ATP2A1: variants seen among roughly 807,000 people sequenced by gnomAD.
The protein encoded by ATP2A1 is sarcoplasmic/endoplasmic reticulum calcium ATPase 1.
ATP2A1 carries 83 observed loss-of-function variants against 109.5 expected under a neutral mutation model. The observed-to-expected ratio is 0.76, with a 90% CI of 0.63 to 0.91. The LOEUF (loss-of-function observed/expected upper bound fraction) is 0.91, where lower values mean the gene tolerates loss of function less well. ATP2A1 is among the 40% of genes least tolerant of loss of function. The probability of loss-of-function intolerance (pLI) is 0.00; values close to 1 mark genes in which losing one functional copy is unlikely to be tolerated. For missense variants in ATP2A1, 1,101 were observed against 1,341.0 expected, an observed-to-expected ratio of 0.82 and a Z score of 2.80; for synonymous variants, 505 against 537.6, an observed-to-expected ratio of 0.94 and a Z score of 0.84.
rs747068177 is a variant in ATP2A1 at position 28,888,771 on chromosome 16, C to G, written c.929-16C>G. ...CCCCTTGCAGGTTCCCTCACACCCT[C>G]CCTCCCTCCCCACAGGTCTTCCTGC... On this transcript the variant is annotated splice_polypyrimidine_tract_variant and intron_variant, in intron 8 of 22. Coordinates refer to ENST00000395503, the MANE Select transcript of ATP2A1 (RefSeq NM_004320.6). The G allele has an allele frequency of 1.3e-6, 2 of 1,596,646 alleles. No homozygotes were observed. Among genetic ancestry groups the G allele is most frequent in the Non-Finnish European group, 1.7e-6 (2 of 1,167,932 alleles).
chr16:28,903,297 G>C lies in ATP2A1; in HGVS notation c.2863-26G>C. On this transcript the variant is annotated intron_variant, in intron 20 of 22. Coordinates refer to ENST00000395503, the MANE Select transcript of ATP2A1 (RefSeq NM_004320.6). This position sits in a 1 kb window ranked among gnomAD's most constrained non-coding sequence, Gnocchi z 5.6. ...TCTGGCTCCCTCCCCACCCCCTCCT[G>C]AGAGGGCGCTTGTCCCCTGCCCCAG... 1 of 1,598,714 alleles carries C rather than the reference G, an allele frequency of 6.3e-7. No homozygotes were observed. Among genetic ancestry groups the C allele is most frequent in the Non-Finnish European group, 8.6e-7 (1 of 1,166,276 alleles).
At chr16:28,894,020 G>T in intron 9 of ATP2A1, 135 bp from the exon 10 acceptor site, 2 of 719,178 alleles carry the variant, frequency 2.8e-6, no homozygotes, top group Admixed American at 2.0e-5. Flanking sequence ...GGGTATACGG[G>T]GGGGATGAGG....
At chr16:28,895,229 C>T (rs999248135) in intron 12 of ATP2A1, among the ~76,000 whole-genome samples, 6 of 152,220 alleles carry the variant, frequency 3.9e-5, no homozygotes, top group African/African-American at 1.4e-4. Context: ...CCACAAGGGA[C>T]CCATCCAGGA....
chr16:28,879,067 G>A, intron 1 of ATP2A1, 32 bp from the exon 2 acceptor site: 1 of 1,614,052 alleles, frequency 6.2e-7, no homozygotes, highest in Non-Finnish European at 8.5e-7. Flanking sequence ...AACCCCAAAT[G>A]AATCTGTCCT....
At chr16:28,881,969 G>C (rs900143326) in intron 4 of ATP2A1, among the ~76,000 whole-genome samples, 1 of 151,672 alleles carries the variant, frequency 6.6e-6, no homozygotes, top group Admixed American at 6.6e-5. Context: ...ACAGGGTCTC[G>C]TTCTCTTGCC....
rs528569032 is a variant in ATP2A1, at chr16:28,897,484, ACT to A, written c.1420-513_1420-512del. 4.6e-5 allele frequency among the ~76,000 whole-genome samples: 7 copies of A among 152,292 alleles called. No individual in the cohort carries two copies. The East Asian group carries it at 1.3e-3, about 29-fold the overall frequency. On this transcript the variant is annotated intron_variant, in intron 12 of 22. Coordinates refer to ENST00000395503, the MANE Select transcript of ATP2A1 (RefSeq NM_004320.6). ...ACTTCAGCCTAGGAGACAGCGCAAG[ACT>A]CTGTCTCTAAAGAAAAAAATAAGTA...
chr16:28,879,889 C>T (rs972106597), intron 3 of ATP2A1: 2 of 687,730 alleles, frequency 2.9e-6, no homozygotes, highest in Non-Finnish European at 3.9e-6. Flanking sequence ...CTCCGGGTCC[C>T]GCCGCGATGC....
intron 6 of ATP2A1, among the ~76,000 whole-genome samples, chr16:28,886,591 G>A (rs113738272): frequency 6.6e-5 from 10 of 152,072 alleles, no homozygotes; most frequent in African/African-American, 2.4e-4. Flanking sequence ...TTGTTTTGCA[G>A]TGTACATGTC....
rs201713188 is a variant in ATP2A1, at chr16:28,900,616, G to A, written c.1800G>A (p.Leu600=). Residue 600 remains leucine, a synonymous_variant, in exon 15 of 23, where the codon CTG becomes CTA. Transcript: ENST00000395503. ...CATTCGTGGGTGTAGTGGGCATGCTGGACCCTCCGCGCAAGGAGGTCACGG... is the reference window on the plus strand; with the variant it reads ...CATTCGTGGGTGTAGTGGGCATGCTAGACCCTCCGCGCAAGGAGGTCACGG... ...DLTFVGVVGM[L]DPPRKEVTGS... is the part of the protein sequence containing the mutation. The A allele has an allele frequency of 9.3e-5, 148 of 1,587,224 alleles. No individual in the cohort carries two copies. The highest frequency in any genetic ancestry group is 8.4e-4 in the Middle Eastern group (5 of 5,950).
chr16:28,880,821 C>T lies in ATP2A1; in HGVS notation c.220-94C>T, dbSNP rs1963449254. ...GCCCTCCTGCTGGCTCCTGCACTCT[C>T]CTGCACAGTTCTCCCCTTTGCAGTG... is the stretch of plus-strand genomic sequence containing the variant. On this transcript the variant is annotated intron_variant, in intron 3 of 22. Coordinates refer to ENST00000395503, the MANE Select transcript of ATP2A1 (RefSeq NM_004320.6). The surrounding 1 kb of genome is among the most constrained non-coding windows in gnomAD (Gnocchi z 4.2). 8.0e-7 allele frequency: 1 copy of T among 1,254,896 alleles called. No individual in the cohort carries two copies. The highest frequency in any genetic ancestry group is 1.5e-5 in the African/African-American group (1 of 67,714). 77.7% of individuals were successfully genotyped at this position (1,254,896 alleles called of 1,614,324 possible).
In ATP2A1 at chr16:28,878,574, C is replaced by G; in HGVS notation, c.-98C>G. 9.7e-7 allele frequency: 1 copy of G among 1,032,618 alleles called. No homozygotes were observed. The highest frequency in any genetic ancestry group is 1.5e-6 in the Non-Finnish European group (1 of 676,488). 64.0% of individuals were successfully genotyped at this position (1,032,618 alleles called of 1,614,324 possible). ...GGCAGGAGAGTAAAAAGAAGAAACC[C>G]AGGCAGACAGGCAGTTGGACACACT... On this transcript the variant is annotated 5_prime_UTR_variant, in exon 1 of 23. Transcript: ENST00000395503.
chr16:28,898,314 G>T lies in ATP2A1; in HGVS notation c.1627G>T (p.Glu543Ter), dbSNP rs778326985. The T allele has an allele frequency of 6.2e-7, 1 of 1,614,244 alleles. No homozygotes were observed. Among genetic ancestry groups the T allele is most frequent in the Non-Finnish European group, 8.5e-7 (1 of 1,180,042 alleles). The change falls in exon 14 of 23, where the codon GAA (glutamate) becomes TAA (stop). Residue 543 changes from glutamate to a stop codon, truncating the protein, a stop_gained. Coordinates refer to ENST00000395503, the MANE Select transcript of ATP2A1 (RefSeq NM_004320.6). LOFTEE classifies it high-confidence loss of function. This position sits in a 1 kb window ranked among gnomAD's most constrained non-coding sequence, Gnocchi z 4.0. ...GGTGCCACTGACGGGGCCGGTGAAG[G>T]AAAAGATCATGGCGGTGATCAAGGA... is the stretch of plus-strand genomic sequence containing the variant. Reference protein sequence around the residue: ...TRVPLTGPVKEKIMAVIKEWG... With the variant: ...TRVPLTGPVK
Position 28,902,589 on chromosome 16 carries a change from G to T in ATP2A1, c.2534G>T (p.Gly845Val). The T allele has an allele frequency of 6.2e-7, 1 of 1,614,042 alleles. No homozygotes were observed. The highest frequency in any genetic ancestry group is 2.2e-5 in the East Asian group (1 of 44,872). Residue 845 changes from glycine to valine, a missense_variant, in exon 18 of 23, where the codon GGT (glycine) becomes GTT (valine). Transcript: ENST00000395503. The surrounding 1 kb of genome is among the most constrained non-coding windows in gnomAD (Gnocchi z 4.8). ...CCTCTCTCCACCACAGGCTATGTGG[G>T]TGCAGCCACCGTGGGAGCAGCTGCC... ...FRYMAIGGYVGAATVGAAAWW... is the reference protein window; with the variant it reads ...FRYMAIGGYVVAATVGAAAWW...
intron 7 of ATP2A1, 75 bp from the exon 8 acceptor site, chr16:28,887,350 G>A (rs1480902242): frequency 6.2e-7 from 1 of 1,612,608 alleles, no homozygotes; most frequent in South Asian, 1.1e-5. Flanking sequence ...TGGCGTGTGA[G>A]AAGAGATGGC....
At chr16:28,894,474 C>G (rs1555516298) in intron 10 of ATP2A1, 31 bp from the exon 11 acceptor site, 1 of 1,600,100 alleles carries the variant, frequency 6.2e-7, no homozygotes. Context: ...TCCACTGTCT[C>G]TGTCCCTTCC....
At chr16:28,893,794 C>T (rs528908576) in intron 9 of ATP2A1, among the ~76,000 whole-genome samples, 54 of 151,782 alleles carry the variant, frequency 3.6e-4, no homozygotes, top group Non-Finnish European at 5.4e-4. Flanking sequence ...GGATTACAGG[C>T]GCGCACCACC....
At chr16:28,894,049 A>C in intron 9 of ATP2A1, 106 bp from the exon 10 acceptor site, 3 of 907,884 alleles carry the variant, frequency 3.3e-6, no homozygotes, top group Non-Finnish European at 5.4e-6. Flanking sequence ...GTAGGAGGGA[A>C]ATGGTGGGAA....
chr16:28,902,431 AC>A lies in ATP2A1; in HGVS notation c.2524+50del. The stretch of plus-strand genomic sequence containing the variant: ...CGATCCTCCCCACCCCTTGGGACTA[AC>A]CCCCTCTCTGGGACACCAGCTCCCC... On this transcript the variant is annotated intron_variant, in intron 17 of 22. Coordinates refer to ENST00000395503, the MANE Select transcript of ATP2A1 (RefSeq NM_004320.6). The surrounding 1 kb of genome is among the most constrained non-coding windows in gnomAD (Gnocchi z 4.8). 1.2e-6 allele frequency: 2 copies of A among 1,602,722 alleles called. No individual in the cohort carries two copies. The highest frequency in any genetic ancestry group is 1.7e-6 in the Non-Finnish European group (2 of 1,171,838).
At chr16:28,888,074 T>A (rs577718686) in intron 8 of ATP2A1, among the ~76,000 whole-genome samples, 1 of 152,272 alleles carries the variant, frequency 6.6e-6, no homozygotes, top group Admixed American at 6.5e-5. Flanking sequence ...GTGCTGGGAT[T>A]ACAGGCGTGA....
Sources: gnomAD v4.1 joint callset for allele counts (sites outside exome capture counted in the v4.1 genomes callset) on GRCh38, gnomAD v4.1.1 for gene constraint, Gnocchi (gnomAD v3.1) non-coding constraint, MANE v1.5 for transcripts, NCBI Gene and HGNC (gene_info 2026-07-23, HGNC 2026-07-21) for gene names.